ZZEF1: variants seen among roughly 807,000 people sequenced by gnomAD.
ZZEF1 encodes the protein zinc finger ZZ-type and EF-hand domain containing 1, also known as zinc finger ZZ-type and EF-hand domain-containing protein 1.
In ZZEF1, 157 loss-of-function variants were observed where a neutral mutation model predicts 342.8. The ratio of observed to expected loss-of-function variants is 0.46; its 90% CI spans 0.40 to 0.52. The LOEUF is 0.52. Ranked by LOEUF, ZZEF1 falls within the 20% of genes least tolerant of loss-of-function variation. The pLI, the probability that ZZEF1 is intolerant of heterozygous loss-of-function variation, is 0.00. For synonymous variants in ZZEF1, 1,505 were observed against 1,429.1 expected, an observed-to-expected ratio of 1.05 and a Z score of -1.20; for missense variants, 3,480 against 3,725.6, an observed-to-expected ratio of 0.93 and a Z score of 1.72.
rs752323772 is a variant in ZZEF1, at chr17:4,045,710, CAT to C, written c.6016-1338_6016-1337del. On this transcript the variant is annotated intron_variant, in intron 37 of 54. Coordinates refer to ENST00000381638, the MANE Select transcript of ZZEF1 (RefSeq NM_015113.4). ...GAAGGTGTACATAAAGCCAACCACA[CAT>C]GTCACTTGATCAAACAAAACCGGAT... 1.4e-4 allele frequency among the ~76,000 whole-genome samples: 21 copies of C among 152,302 alleles called. No individual in the cohort carries two copies. In the South Asian group the frequency reaches 2.7e-3, roughly 20 times the overall value.
rs1487629952 is a variant in ZZEF1 at position 4,008,507 on chromosome 17, A to C, written c.8805+376T>G. The C allele has an allele frequency of 2.2e-5, 22 of 1,019,450 alleles. No individual in the cohort carries two copies. Among genetic ancestry groups the C allele is most frequent in the Admixed American group, 5.6e-5 (1 of 17,852 alleles). The allele number at this position is 1,019,450 out of a possible 1,614,324, so 63.2% of individuals were successfully genotyped here. On this transcript the variant is annotated intron_variant, in intron 54 of 54. Coordinates refer to ENST00000381638, the MANE Select transcript of ZZEF1 (RefSeq NM_015113.4). This position sits in a 1 kb window ranked among gnomAD's most constrained non-coding sequence, Gnocchi z 4.2. ...GCTCCTCAGTCAGTGAAAAGTGTGA[A>C]GCGTCCTGAGACCAAACAGCTGTCA...
chr17:4,137,154 A>C (rs1377078460), intron 1 of ZZEF1, among the ~76,000 whole-genome samples: 1 of 152,196 alleles, frequency 6.6e-6, no homozygotes, highest in East Asian at 1.9e-4. Context: ...TGAAGTTTCT[A>C]AAGCAAGGCA....
chr17:4,036,803 ACACACACACACACACTCTCTCTCTCT>A (rs1402931655), intron 39 of ZZEF1, among the ~76,000 whole-genome samples: 2 of 93,684 alleles, frequency 2.1e-5, no homozygotes, highest in Admixed American at 1.1e-4. Context: ...ACACACACAC[ACACACACACACACACTCTCTCTCTCT>A]CTCTCTCTCT....
chr17:4,112,586 C>G, intron 5 of ZZEF1, 23 bp downstream of exon 5: 1 of 1,612,982 alleles, frequency 6.2e-7, no homozygotes, highest in African/African-American at 1.3e-5. Context: ...TTTTCCCTAT[C>G]CCCTCAGTTC....
chr17:4,036,732 C>CA (rs112646423), intron 39 of ZZEF1, among the ~76,000 whole-genome samples: 32,322 of 115,960 alleles, frequency 0.28, 4,700 homozygotes, highest in African/African-American at 0.42. Context: ...ACTCCATCTT[C>CA]AAAAAAAAAA....
At chr17:4,011,357 TG>T (rs2055949136) in intron 52 of ZZEF1, among the ~76,000 whole-genome samples, 1 of 151,630 alleles carries the variant, frequency 6.6e-6, no homozygotes, top group Admixed American at 6.6e-5. Flanking sequence ...TGAGTTGAGA[TG>T]GTGCCACTGC....
intron 38 of ZZEF1, 47 bp from the exon 39 acceptor site, chr17:4,042,615 T>C (rs2056826467): frequency 4.4e-6 from 7 of 1,590,798 alleles, no homozygotes; most frequent in African/African-American, 1.3e-5. Context: ...TCTCCACATG[T>C]ATGAAGAGGC....
chr17:4,045,069 G>A (rs2056883955), intron 37 of ZZEF1, among the ~76,000 whole-genome samples: 1 of 152,016 alleles, frequency 6.6e-6, no homozygotes, highest in Non-Finnish European at 1.5e-5. Context: ...CAGGAGAATC[G>A]CTTCAACCCA....
intron 45 of ZZEF1, among the ~76,000 whole-genome samples, chr17:4,020,575 G>T (rs1009616247): frequency 2.0e-5 from 3 of 152,192 alleles, no homozygotes; most frequent in African/African-American, 7.2e-5. Flanking sequence ...GGCCTCAAGT[G>T]ATCCTCCTGC....
intron 39 of ZZEF1, among the ~76,000 whole-genome samples, chr17:4,034,599 C>A (rs1323542346): frequency 6.6e-6 from 1 of 152,158 alleles, no homozygotes; most frequent in Admixed American, 6.5e-5. Context: ...AAAGTTAAAG[C>A]TCCCCTAAAT....
rs1473782980 is a variant in ZZEF1, at chr17:4,004,617, G to C, written c.*2273C>G. On this transcript the variant is annotated 3_prime_UTR_variant, in exon 55 of 55. Coordinates refer to ENST00000381638, the MANE Select transcript of ZZEF1 (RefSeq NM_015113.4). Reference sequence around the variant, plus strand: ...CCCGTAAGAAAACAAATTAAAAACGGTGATGAAAATACGTCACTCCTCTCG... The same window carrying C: ...CCCGTAAGAAAACAAATTAAAAACGCTGATGAAAATACGTCACTCCTCTCG... 6.6e-6 allele frequency: 1 copy of C among 152,538 alleles called. No individual in the cohort carries two copies. Among genetic ancestry groups the C allele is most frequent in the Non-Finnish European group, 1.5e-5 (1 of 68,042 alleles). The allele number at this position is 152,538 out of a possible 1,614,324, so 9.4% of individuals were successfully genotyped here. A position where few individuals can be genotyped will look rare whatever the true frequency, so the allele number is the denominator to read the frequency against.
In ZZEF1 at chr17:4,070,856, C is replaced by T; in HGVS notation, c.3903G>A (p.Gln1301=). 6.2e-7 allele frequency: 1 copy of T among 1,614,144 alleles called. No individual in the cohort carries two copies. Among genetic ancestry groups the T allele is most frequent in the Middle Eastern group, 1.6e-4 (1 of 6,062 alleles). ...LLDFAQSEPA[Q]NFCGPYSELF... Reference sequence around the variant, plus strand: ...GTTCTGAATATGGCCCACAGAAGTTCTGAGCAGGCTCTGACTGGGCAAAAT... The same window carrying T: ...GTTCTGAATATGGCCCACAGAAGTTTTGAGCAGGCTCTGACTGGGCAAAAT... The change falls in exon 26 of 55, where the codon CAG becomes CAA. Residue 1301 remains glutamine (Q), a synonymous_variant. Transcript: ENST00000381638.
chr17:4,031,960 A>G (rs2056558311), intron 42 of ZZEF1, among the ~76,000 whole-genome samples, 166 bp downstream of exon 42: 1 of 152,180 alleles, frequency 6.6e-6, no homozygotes, highest in African/African-American at 2.4e-5. Context: ...ATCCCAATTC[A>G]ATACATCATT....
rs1311367654 is a variant in ZZEF1 at position 4,123,291 on chromosome 17, A to C, written c.499+616T>G. On this transcript the variant is annotated intron_variant, in intron 2 of 54. Transcript: ENST00000381638. ...ACCATATATATATATATATATATAT[A>C]TATATATATATATATATATCAGAAA... is the stretch of plus-strand genomic sequence containing the variant. 3.0e-3 allele frequency among the ~76,000 whole-genome samples: 293 copies of C among 96,500 alleles called. 5 individuals carry two copies. The highest frequency in any genetic ancestry group is 0.011 in the African/African-American group (278 of 25,914). The allele number at this position is 96,500 out of a possible 152,430, so 63.3% of individuals were successfully genotyped here.
chr17:4,059,462 A>G (rs190593832), intron 30 of ZZEF1, among the ~76,000 whole-genome samples, 172 bp from the exon 31 acceptor site: 10 of 151,544 alleles, frequency 6.6e-5, no homozygotes, highest in Non-Finnish European at 8.9e-5. Context: ...ACAAAACAGC[A>G]AGTGAGTCCC....
intron 30 of ZZEF1, among the ~76,000 whole-genome samples, chr17:4,059,838 G>A (rs2057247075): frequency 6.6e-6 from 1 of 152,216 alleles, no homozygotes; most frequent in South Asian, 2.1e-4. Flanking sequence ...CCTGGACCTT[G>A]TTATCATGTG....
chr17:4,069,602 A>G (rs2676267), intron 26 of ZZEF1, among the ~76,000 whole-genome samples: 75,126 of 151,612 alleles, frequency 0.5, 20,950 homozygotes, highest in African/African-American at 0.78. Context: ...AGGCTGAGGC[A>G]GGCAGATCAC....
chr17:4,078,104 G>A (rs567442694), intron 18 of ZZEF1, 62 bp from the exon 19 acceptor site: 33 of 1,539,812 alleles, frequency 2.1e-5, no homozygotes, highest in African/African-American at 4.1e-5. Flanking sequence ...GCATAGCCAA[G>A]GGCATCCTCT....
In ZZEF1 at chr17:4,109,582, G is replaced by A. The variant is rs2058264131; in HGVS notation, c.1277+71C>T. The A allele has an allele frequency of 2.6e-6, 4 of 1,512,412 alleles. No homozygotes were observed. In the South Asian group the frequency reaches 3.4e-5, roughly 13 times the overall value. 93.7% of individuals were successfully genotyped at this position (1,512,412 alleles called of 1,614,324 possible). A position where few individuals can be genotyped will look rare whatever the true frequency, so the allele number is the denominator to read the frequency against. On this transcript the variant is annotated intron_variant, in intron 6 of 54. Coordinates refer to ENST00000381638, the MANE Select transcript of ZZEF1 (RefSeq NM_015113.4). ...GATCAATGATGGAAGGCTGCTCAGT[G>A]ATACGCCCTAAAGGATGATGGGAGA...
Sources: allele counts gnomAD v4.1 joint callset (sites outside exome capture counted in the v4.1 genomes callset), GRCh38; gene constraint gnomAD v4.1.1; non-coding constraint Gnocchi (gnomAD v3.1); transcripts MANE v1.5; gene names NCBI Gene and HGNC (gene_info 2026-07-23, HGNC 2026-07-21).